Variants in GABRG3 observed in about 807,000 individuals in gnomAD.
GABRG3 encodes gamma-aminobutyric acid receptor subunit gamma-3.
GABRG3 carries 25 observed loss-of-function variants against 48.8 expected under a neutral mutation model. That is an observed-to-expected ratio of 0.51 (90% CI 0.37 to 0.72). GABRG3 has a LOEUF of 0.72. Ranked by LOEUF, GABRG3 falls within the 30% of genes least tolerant of loss-of-function variation. GABRG3 has a pLI of 0.00. For synonymous variants in GABRG3, 227 were observed against 217.6 expected (o/e 1.04, Z -0.38); for missense variants, 394 against 577.9 (o/e 0.68, Z 3.26).
rs149182083 is a variant in GABRG3, at chr15:27,484,789, TAAAA to T, written c.712+4003_712+4006del. Among the ~76,000 whole-genome samples the T allele has an allele frequency of 9.9e-3, 1,505 of 152,206 alleles. 30 individuals are homozygous for T. The highest frequency in any genetic ancestry group is 0.034 in the African/African-American group (1,425 of 41,492). ...TGGGGCTATATCAACAGACGCCAAC[TAAAA>T]GATATCACAATGGTCAAAGCTAAAA... On this transcript the variant is annotated intron_variant, in intron 6 of 9. Coordinates refer to ENST00000615808, the MANE Select transcript of GABRG3 (RefSeq NM_033223.5).
intron 5 of GABRG3, among the ~76,000 whole-genome samples, chr15:27,475,963 C>A (rs942033764): frequency 4.0e-5 from 6 of 151,874 alleles, no homozygotes; most frequent in African/African-American, 1.5e-4. Flanking sequence ...GCGAGGAATT[C>A]GAGGAAATAT....
chr15:27,506,906 T>A (rs1890775098), intron 6 of GABRG3, among the ~76,000 whole-genome samples: 1 of 152,120 alleles, frequency 6.6e-6, no homozygotes, highest in African/African-American at 2.4e-5. Context: ...GGTGGTAGCT[T>A]AGATTACTGA....
chr15:27,022,160 T>C (rs192918819), intron 2 of GABRG3, among the ~76,000 whole-genome samples: 3 of 152,274 alleles, frequency 2.0e-5, no homozygotes, highest in Admixed American at 2.0e-4. Context: ...TCTCCTCAAT[T>C]TTTCTAAAGT....
At chr15:27,302,935 T>C (rs561686555) in intron 3 of GABRG3, among the ~76,000 whole-genome samples, 1 of 151,672 alleles carries the variant, frequency 6.6e-6, no homozygotes, top group Non-Finnish European at 1.5e-5. Context: ...TGAGTAAAAA[T>C]AAAAAATATG....
intron 3 of GABRG3, among the ~76,000 whole-genome samples, chr15:27,097,790 A>G (rs1028101170): frequency 4.5e-4 from 69 of 152,230 alleles, no homozygotes; most frequent in African/African-American, 1.6e-3. Flanking sequence ...GTCCCTCCCT[A>G]AGGAATTAGC....
At chr15:27,322,809 A>C (rs987085443) in intron 3 of GABRG3, among the ~76,000 whole-genome samples, 20 of 152,050 alleles carry the variant, frequency 1.3e-4, no homozygotes, top group African/African-American at 4.6e-4. Context: ...AGGGAAATGG[A>C]TTTGAGCTGC....
intron 6 of GABRG3, among the ~76,000 whole-genome samples, chr15:27,496,413 T>G (rs1162323408): frequency 6.6e-6 from 1 of 152,182 alleles, no homozygotes; most frequent in East Asian, 1.9e-4. Flanking sequence ...TGTCTTTACC[T>G]AGAGAGAATC....
intron 3 of GABRG3, among the ~76,000 whole-genome samples, chr15:27,207,711 G>C (rs208152): frequency 6.6e-6 from 1 of 152,032 alleles, no homozygotes; most frequent in Non-Finnish European, 1.5e-5. Flanking sequence ...CTTTGCTAGC[G>C]CTCAAGGTGC....
At chr15:27,429,346 T>A (rs921151289) in intron 5 of GABRG3, among the ~76,000 whole-genome samples, 1 of 152,200 alleles carries the variant, frequency 6.6e-6, no homozygotes, top group African/African-American at 2.4e-5. Context: ...CCTTCAGAGT[T>A]AGCAGAAGGG....
intron 3 of GABRG3, among the ~76,000 whole-genome samples, chr15:27,302,667 C>T (rs1892252586): frequency 6.6e-6 from 1 of 151,898 alleles, no homozygotes; most frequent in African/African-American, 2.4e-5. Context: ...AACATTCTAC[C>T]TAAAAACAGC....
At chr15:27,424,899 G>T (rs570015012) in intron 5 of GABRG3, among the ~76,000 whole-genome samples, 2 of 152,100 alleles carry the variant, frequency 1.3e-5, no homozygotes, top group East Asian at 1.9e-4. Flanking sequence ...ACATTTCAGC[G>T]TATGAACTAC....
rs1253153516 is a variant in GABRG3 at position 27,355,365 on chromosome 15, G to A, written c.574+26477G>A. On this transcript the variant is annotated intron_variant, in intron 5 of 9. Coordinates refer to ENST00000615808, the MANE Select transcript of GABRG3 (RefSeq NM_033223.5). ...AAGAAGTTATACAAATGACCAATCA[G>A]CACAAGCAAAAATGCCCAGCACCAT... 2.6e-5 allele frequency among the ~76,000 whole-genome samples: 4 copies of A among 152,292 alleles called. No individual in the cohort carries two copies. In the East Asian group the frequency reaches 7.7e-4, roughly 29 times the overall value.
intron 3 of GABRG3, among the ~76,000 whole-genome samples, chr15:27,250,961 T>G (rs1672527601): frequency 6.6e-6 from 1 of 152,166 alleles, no homozygotes; most frequent in African/African-American, 2.4e-5. Context: ...AACTGGATCT[T>G]CAGCCACACT....
At chr15:27,129,953 A>G (rs968762932) in intron 3 of GABRG3, among the ~76,000 whole-genome samples, 3 of 151,918 alleles carry the variant, frequency 2.0e-5, no homozygotes, top group African/African-American at 7.3e-5. Flanking sequence ...CTGGACATTA[A>G]CCCATTATCA....
chr15:27,257,538 T>G (rs11858036), intron 3 of GABRG3, among the ~76,000 whole-genome samples: 13,210 of 152,254 alleles, frequency 0.087, 930 homozygotes, highest in African/African-American at 0.18. Flanking sequence ...AAGATATTTC[T>G]GAGTTGATTT....
chr15:27,146,368 A>C (rs183784700), intron 3 of GABRG3, among the ~76,000 whole-genome samples: 3 of 152,216 alleles, frequency 2.0e-5, no homozygotes, highest in African/African-American at 7.2e-5. Flanking sequence ...GAGGCAGGAG[A>C]ATGGCTTGAA....
At chr15:27,460,738 G>A (rs1170561779) in intron 5 of GABRG3, among the ~76,000 whole-genome samples, 1 of 152,112 alleles carries the variant, frequency 6.6e-6, no homozygotes, top group Non-Finnish European at 1.5e-5. Flanking sequence ...TTAAGATCTG[G>A]CCCGAGGACA....
At chr15:27,276,101 G>A (rs1025529612) in intron 3 of GABRG3, among the ~76,000 whole-genome samples, 5 of 152,182 alleles carry the variant, frequency 3.3e-5, no homozygotes, top group Non-Finnish European at 5.9e-5. Context: ...CTTTAGTAAG[G>A]GAGATCAGCC....
chr15:27,395,854 A>G (rs750226141), intron 5 of GABRG3, among the ~76,000 whole-genome samples: 4 of 152,118 alleles, frequency 2.6e-5, no homozygotes, highest in South Asian at 2.1e-4. Flanking sequence ...TGGAAAGACA[A>G]TGGATAAATT....
Sources: gnomAD v4.1 joint callset for allele counts (sites outside exome capture counted in the v4.1 genomes callset) on GRCh38, gnomAD v4.1.1 for gene constraint, MANE v1.5 for transcripts, NCBI Gene and HGNC (gene_info 2026-07-23, HGNC 2026-07-21) for gene names.